The following PGLS variants were observed in gnomAD, a reference collection of about 807,000 sequenced individuals.
The protein encoded by PGLS is epididymis secretory protein Li 304.
A neutral mutation model predicts 23.2 loss-of-function variants in PGLS; 21 were observed. The ratio of observed to expected loss-of-function variants is 0.91; its 90% CI spans 0.64 to 1.31. The LOEUF (loss-of-function observed/expected upper bound fraction) is 1.31. Among genes scored for constraint, PGLS ranks in the 50% most tolerant of loss-of-function variants. The probability of loss-of-function intolerance (pLI) is 0.00; values close to 1 mark genes in which losing one functional copy is unlikely to be tolerated. For missense variants in PGLS, 410 were observed against 354.0 expected, an observed-to-expected ratio of 1.16 and a Z score of -1.27; for synonymous variants, 179 against 165.4, an observed-to-expected ratio of 1.08 and a Z score of -0.63.
At chr19:17,511,983 G>T (rs1026294604) in intron 1 of PGLS, 23 bp downstream of exon 1, 1 of 1,530,328 alleles carries the variant, frequency 6.5e-7, no homozygotes. Flanking sequence ...GGGGCCGCCG[G>T]GGATCACGCC....
rs183479194 is a variant in PGLS at position 17,517,680 on chromosome 19, C to T, written c.499-30C>T. On this transcript the variant is annotated intron_variant, in intron 3 of 4. Transcript: ENST00000252603. ...AAGAAGCTGAAGTGACATTGTCCTTCTGCCTCCATCCCTGGGCTTCCTCCC... is the reference window on the plus strand; with the variant it reads ...AAGAAGCTGAAGTGACATTGTCCTTTTGCCTCCATCCCTGGGCTTCCTCCC... The T allele has an allele frequency of 1.3e-3, 2,078 of 1,612,830 alleles. 4 individuals carry two copies. Among genetic ancestry groups the T allele is most frequent in the Middle Eastern group, 1.8e-3 (11 of 6,058 alleles).
In PGLS at chr19:17,512,325, G is replaced by A. The variant is rs180744544; in HGVS notation, c.288+365G>A. The A allele has an allele frequency of 3.7e-4, 114 of 307,122 alleles. 2 individuals carry two copies. The highest frequency in any genetic ancestry group is 1.8e-3 in the South Asian group (48 of 26,156). The allele number at this position is 307,122 out of a possible 1,614,324, so 19.0% of individuals were successfully genotyped here. On this transcript the variant is annotated intron_variant, in intron 1 of 4. Transcript: ENST00000252603. Reference sequence around the variant, plus strand: ...AACCCCGCCTACAGTGGGTCCCGCAGGACCTCACTGCGCCCTCTGCCTTTA... The same window carrying A: ...AACCCCGCCTACAGTGGGTCCCGCAAGACCTCACTGCGCCCTCTGCCTTTA...
intron 2 of PGLS, 160 bp downstream of exon 2, chr19:17,516,440 G>T: frequency 7.1e-7 from 1 of 1,414,098 alleles, no homozygotes; most frequent in Non-Finnish European, 9.2e-7. Context: ...CCCTGCCCTG[G>T]GGAGCCTGAA....
Position 17,511,914 on chromosome 19 carries a change from G to C in PGLS, c.242G>C (p.Arg81Pro). 3.2e-6 allele frequency: 5 copies of C among 1,545,544 alleles called. No individual in the cohort carries two copies. The highest frequency in any genetic ancestry group is 4.4e-6 in the Non-Finnish European group (5 of 1,146,856). ...ARWTLGFCDE[R>P]LVPFDHAEST... ...TGGACGCTGGGCTTCTGCGACGAGC[G>C]CCTCGTGCCCTTCGATCACGCCGAG... Residue 81 changes from arginine to proline, a missense_variant, in exon 1 of 5, where the codon CGC becomes CCC. Arg to Pro is a moderately radical substitution (Grantham distance 103). Transcript: ENST00000252603.
Position 17,517,323 on chromosome 19 carries a change from G to A in PGLS, c.432G>A (p.Leu144=). ...FQGDSIPVFD[L]LILGVGPDGH... ...GGGACTCCATCCCGGTTTTCGACCTGCTGATCCTGGGGGTGGGCCCCGATG... is the reference window on the plus strand; with the variant it reads ...GGGACTCCATCCCGGTTTTCGACCTACTGATCCTGGGGGTGGGCCCCGATG... Residue 144 remains leucine (L), a synonymous_variant, in exon 3 of 5, where the codon CTG becomes CTA. Coordinates refer to ENST00000252603, the MANE Select transcript of PGLS (RefSeq NM_012088.3). 6.2e-7 allele frequency: 1 copy of A among 1,614,016 alleles called. No individual in the cohort carries two copies. The highest frequency in any genetic ancestry group is 8.5e-7 in the Non-Finnish European group (1 of 1,179,952).
At chr19:17,512,279 A>T (rs2075512456) in intron 1 of PGLS, 5 of 398,218 alleles carry the variant, frequency 1.3e-5, no homozygotes, top group South Asian at 1.2e-4. Context: ...GGTCTAGCCG[A>T]CAGGGCTCGC....
chr19:17,519,304 A>G (rs2075547029), intron 4 of PGLS, among the ~76,000 whole-genome samples: 1 of 128,478 alleles, frequency 7.8e-6, no homozygotes, highest in Non-Finnish European at 1.6e-5. Flanking sequence ...ACAAGAACGA[A>G]ACTCAGTCTC....
In PGLS at chr19:17,517,865, T is replaced by G. The variant is rs1007549701; in HGVS notation, c.639+15T>G. On this transcript the variant is annotated intron_variant, in intron 4 of 4. Coordinates refer to ENST00000252603, the MANE Select transcript of PGLS (RefSeq NM_012088.3). ...CTGTTCTGAAGGTAACAGCTGAGGGTTCTAGTCCTGGGAAGTTCATGGGCA... is the reference window on the plus strand; with the variant it reads ...CTGTTCTGAAGGTAACAGCTGAGGGGTCTAGTCCTGGGAAGTTCATGGGCA... 3 of 1,613,556 alleles carry G rather than the reference T, an allele frequency of 1.9e-6. No homozygotes were observed. The African/African-American group carries it at 4.0e-5, about 22-fold the overall frequency.
Position 17,521,235 on chromosome 19 carries a change from A to T in PGLS, c.*154A>T. ...CGGCCAGCAGCCCTACCCGGGGCTC[A>T]ACACACAGGCTGTGGCTCTGGACAT... On this transcript the variant is annotated 3_prime_UTR_variant, in exon 5 of 5. Coordinates refer to ENST00000252603, the MANE Select transcript of PGLS (RefSeq NM_012088.3). 1 of 688,956 alleles carries T rather than the reference A, an allele frequency of 1.5e-6. No individual in the cohort carries two copies. Among genetic ancestry groups the T allele is most frequent in the Non-Finnish European group, 2.4e-6 (1 of 421,482 alleles). The allele number at this position is 688,956 out of a possible 1,614,324, so 42.7% of individuals were successfully genotyped here. A position where few individuals can be genotyped will look rare whatever the true frequency, so the allele number is the denominator to read the frequency against.
chr19:17,518,561 C>T (rs2144645617), intron 4 of PGLS: 1 of 151,928 alleles, frequency 6.6e-6, no homozygotes, highest in Middle Eastern at 3.4e-3. Context: ...GACAGAGTCT[C>T]CCTCTGTCGC....
rs1285767128 is a variant in PGLS at position 17,521,048 on chromosome 19, G to A, written c.744G>A (p.Leu248=). The change falls in exon 5 of 5, where the codon CTG becomes CTA. Residue 248 remains leucine, a synonymous_variant. Coordinates refer to ENST00000252603, the MANE Select transcript of PGLS (RefSeq NM_012088.3). ...TGGACGAGGCGGCCGCCCGCCTCCTGACCGTGCCCTTCGAGAAGCATTCCA... is the reference window on the plus strand; with the variant it reads ...TGGACGAGGCGGCCGCCCGCCTCCTAACCGTGCCCTTCGAGAAGCATTCCA... ...WFLDEAAARL[L]TVPFEKHSTL 12 of 1,603,168 alleles carry A rather than the reference G, an allele frequency of 7.5e-6. No individual in the cohort carries two copies. In the Admixed American group the frequency reaches 2.0e-4, roughly 27 times the overall value.
intron 2 of PGLS, chr19:17,516,522 C>G: frequency 7.6e-7 from 1 of 1,312,428 alleles, no homozygotes; most frequent in Non-Finnish European, 9.8e-7. Flanking sequence ...ATGGGTATGG[C>G]TATGGCTTTG....
At chr19:17,517,477 G>A in intron 3 of PGLS, 88 bp downstream of exon 3, 1 of 1,109,444 alleles carries the variant, frequency 9.0e-7, no homozygotes, top group Non-Finnish European at 1.3e-6. Flanking sequence ...CCTGCCGGGT[G>A]GGGTGTCTAG....
At chr19:17,514,224 T>C (rs2075522591) in intron 1 of PGLS, among the ~76,000 whole-genome samples, 1 of 152,166 alleles carries the variant, frequency 6.6e-6, no homozygotes, top group Admixed American at 6.6e-5. Context: ...TCTCCTCATC[T>C]TCTGGGGGCT....
intron 4 of PGLS, 149 bp downstream of exon 4, chr19:17,517,999 AG>A: frequency 3.4e-6 from 2 of 587,112 alleles, no homozygotes; most frequent in South Asian, 3.2e-5. Flanking sequence ...AATTGCAATT[AG>A]AAAAAAAGGA....
At chr19:17,520,907 C>G (rs752247336) in intron 4 of PGLS, 37 bp from the exon 5 acceptor site, 1 of 1,529,782 alleles carries the variant, frequency 6.5e-7, no homozygotes, top group Middle Eastern at 1.7e-4. Flanking sequence ...GTGCCTGGGC[C>G]GCAGGCAGGG....
chr19:17,517,713 C>G lies in PGLS; in HGVS notation c.502C>G (p.Arg168Gly), dbSNP rs113329764. Residue 168 changes from arginine to glycine, a missense_variant, in exon 4 of 5, where the codon CGG becomes GGG. By Grantham distance (125) the Arg-to-Gly change is moderately radical (BLOSUM62 -2). Coordinates refer to ENST00000252603, the MANE Select transcript of PGLS (RefSeq NM_012088.3). ...ATCCCTGGGCTTCCTCCCCAAGGAGCGGGAGAAGATTGTGGCTCCCATCAG... is the reference window on the plus strand; with the variant it reads ...ATCCCTGGGCTTCCTCCCCAAGGAGGGGGAGAAGATTGTGGCTCCCATCAG... ...LFPDHPLLQE[R>G]EKIVAPISDS... 5.6e-6 allele frequency: 9 copies of G among 1,613,750 alleles called. No homozygotes were observed. The highest frequency in any genetic ancestry group is 1.6e-4 in the Middle Eastern group (1 of 6,084).
chr19:17,517,671 A>G (rs1206509107), intron 3 of PGLS, 39 bp from the exon 4 acceptor site: 3 of 1,611,644 alleles, frequency 1.9e-6, no homozygotes, highest in South Asian at 2.2e-5. Context: ...CTGAAGTGAC[A>G]TTGTCCTTCT....
At chr19:17,512,038 C>T (rs991679926) in intron 1 of PGLS, 78 bp downstream of exon 1, 17 of 1,412,836 alleles carry the variant, frequency 1.2e-5, no homozygotes, top group Non-Finnish European at 1.6e-5. Flanking sequence ...CGGAGGCCGC[C>T]GGGGGCCATG....
Sources: gnomAD v4.1 joint callset for allele counts (sites outside exome capture counted in the v4.1 genomes callset) on GRCh38, gnomAD v4.1.1 for gene constraint, MANE v1.5 for transcripts, NCBI Gene and HGNC (gene_info 2026-07-23, HGNC 2026-07-21) for gene names.